Variants in CACNA2D3 observed in about 807,000 individuals in gnomAD.
The protein encoded by CACNA2D3 is calcium voltage-gated channel auxiliary subunit alpha2delta 3.
CACNA2D3 carries 60 observed loss-of-function variants against 160.6 expected under a neutral mutation model. The ratio of observed to expected loss-of-function variants is 0.37; its 90% CI spans 0.30 to 0.46. The LOEUF is 0.46. Ranked by LOEUF, CACNA2D3 falls within the 20% of genes least tolerant of loss-of-function variation. The pLI is 1.00. For synonymous variants in CACNA2D3, 558 were observed against 492.9 expected, an observed-to-expected ratio of 1.13 and a Z score of -1.75; for missense variants, 1,205 against 1,365.0, an observed-to-expected ratio of 0.88 and a Z score of 1.85.
At chr3:54,454,251 A>G (rs1700358349) in intron 4 of CACNA2D3, among the ~76,000 whole-genome samples, 1 of 152,154 alleles carries the variant, frequency 6.6e-6, no homozygotes, top group African/African-American at 2.4e-5. Flanking sequence ...TAAAATTCAT[A>G]CACTTTAAGT....
At chr3:54,323,560 G>T (rs995746039) in intron 3 of CACNA2D3, among the ~76,000 whole-genome samples, 1 of 150,844 alleles carries the variant, frequency 6.6e-6, no homozygotes, top group South Asian at 2.1e-4. Flanking sequence ...TCCGCCTCCC[G>T]GGTTCACGCC....
intron 17 of CACNA2D3, among the ~76,000 whole-genome samples, chr3:54,868,464 C>T (rs1699453228): frequency 6.6e-6 from 1 of 152,240 alleles, no homozygotes; most frequent in African/African-American, 2.4e-5. Context: ...ACTCTCTAAT[C>T]ATTCCAAGTA....
At chr3:54,769,824 G>C (rs1447133381) in intron 13 of CACNA2D3, among the ~76,000 whole-genome samples, 1 of 152,104 alleles carries the variant, frequency 6.6e-6, no homozygotes, top group African/African-American at 2.4e-5. Context: ...TGAGTATCTT[G>C]GAAAACATTG....
rs552956346 is a variant in CACNA2D3, at chr3:54,645,578, T to C, written c.1167+3337T>C. 2.6e-3 allele frequency among the ~76,000 whole-genome samples: 389 copies of C among 152,282 alleles called. 3 individuals carry two copies. Among genetic ancestry groups the C allele is most frequent in the African/African-American group, 9.0e-3 (373 of 41,566 alleles). ...TTCCTCTCAGCCCACTTCACTCATATGGTTTCCCTCCCACAGGTGTGGAGT... is the reference window on the plus strand; with the variant it reads ...TTCCTCTCAGCCCACTTCACTCATACGGTTTCCCTCCCACAGGTGTGGAGT... On this transcript the variant is annotated intron_variant, in intron 11 of 37. Transcript: ENST00000474759.
At chr3:54,290,769 T>C (rs1359153103) in intron 2 of CACNA2D3, among the ~76,000 whole-genome samples, 1 of 152,012 alleles carries the variant, frequency 6.6e-6, no homozygotes, top group African/African-American at 2.4e-5. Flanking sequence ...GGGACATGGA[T>C]GAAACTGGAA....
Position 54,892,183 on chromosome 3 carries a change from G to A in CACNA2D3, c.2246+733G>A, listed in dbSNP as rs1231956901. 5.3e-5 allele frequency among the ~76,000 whole-genome samples: 8 copies of A among 152,186 alleles called. No individual in the cohort carries two copies. In the East Asian group the frequency reaches 7.7e-4, roughly 15 times the overall value. On this transcript the variant is annotated intron_variant, in intron 25 of 37. Transcript: ENST00000474759. Reference sequence around the variant, plus strand: ...TATTTCTTTTCTCTGAAGCAAGAGCGATTGTTAAGACATGGACAAATGGGT... The same window carrying A: ...TATTTCTTTTCTCTGAAGCAAGAGCAATTGTTAAGACATGGACAAATGGGT...
chr3:54,827,040 G>A (rs944015302), intron 14 of CACNA2D3, among the ~76,000 whole-genome samples: 1 of 152,110 alleles, frequency 6.6e-6, no homozygotes, highest in African/African-American at 2.4e-5. Flanking sequence ...TGATTTGCTT[G>A]ATTGCAACCT....
chr3:55,052,451 T>C (rs1324537549), intron 35 of CACNA2D3, among the ~76,000 whole-genome samples: 1 of 121,410 alleles, frequency 8.2e-6, no homozygotes, highest in African/African-American at 3.0e-5. Flanking sequence ...TATATACCTG[T>C]GTGTGTATAT....
chr3:54,619,564 G>C (rs977174833), intron 9 of CACNA2D3, among the ~76,000 whole-genome samples: 1 of 152,208 alleles, frequency 6.6e-6, no homozygotes, highest in Non-Finnish European at 1.5e-5. Context: ...TTACACACAC[G>C]TAAAGGACAA....
chr3:54,871,908 T>C (rs762860416), intron 18 of CACNA2D3, among the ~76,000 whole-genome samples: 5 of 152,206 alleles, frequency 3.3e-5, no homozygotes. Flanking sequence ...ACTCCAGCCT[T>C]CTTCCCAGTA....
At chr3:54,660,743 G>A (rs1159020195) in intron 11 of CACNA2D3, among the ~76,000 whole-genome samples, 1 of 152,098 alleles carries the variant, frequency 6.6e-6, no homozygotes, top group Non-Finnish European at 1.5e-5. Context: ...AGCCCAGCAC[G>A]CCAGGCCCTG....
At chr3:54,950,349 T>C (rs1701727970) in intron 27 of CACNA2D3, among the ~76,000 whole-genome samples, 1 of 152,182 alleles carries the variant, frequency 6.6e-6, no homozygotes, top group African/African-American at 2.4e-5. Context: ...CAAAGGCCCC[T>C]TTTAATCTGC....
chr3:54,935,413 C>A (rs192844636), intron 27 of CACNA2D3, among the ~76,000 whole-genome samples: 1 of 152,132 alleles, frequency 6.6e-6, no homozygotes, highest in African/African-American at 2.4e-5. Flanking sequence ...TGAGCTCATG[C>A]GGCTGGTGGA....
intron 35 of CACNA2D3, among the ~76,000 whole-genome samples, chr3:55,037,167 AAAG>A (rs1703838660): frequency 6.8e-6 from 1 of 147,248 alleles, no homozygotes. Flanking sequence ...AAATAAGACA[AAAG>A]AAGAAGAAAC....
chr3:54,380,190 A>G (rs535137210), intron 3 of CACNA2D3, among the ~76,000 whole-genome samples: 1 of 152,194 alleles, frequency 6.6e-6, no homozygotes, highest in Admixed American at 6.5e-5. Flanking sequence ...AATCAATCTC[A>G]TTTTGCCTGG....
chr3:54,486,507 C>T (rs1396366806), intron 4 of CACNA2D3, among the ~76,000 whole-genome samples: 1 of 152,182 alleles, frequency 6.6e-6, no homozygotes, highest in Non-Finnish European at 1.5e-5. Context: ...CTAATCTAGG[C>T]GTTCCAAGAT....
intron 27 of CACNA2D3, among the ~76,000 whole-genome samples, chr3:54,964,133 G>A (rs188438829): frequency 8.5e-5 from 13 of 152,098 alleles, no homozygotes; most frequent in South Asian, 2.1e-4. Flanking sequence ...TCTTGGGGTC[G>A]CTGTCCTAGG....
chr3:54,515,491 G>A (rs1701536090), intron 5 of CACNA2D3, among the ~76,000 whole-genome samples: 1 of 152,192 alleles, frequency 6.6e-6, no homozygotes, highest in African/African-American at 2.4e-5. Flanking sequence ...GGCTTCCCAG[G>A]TGCTAGCTTT....
intron 2 of CACNA2D3, among the ~76,000 whole-genome samples, chr3:54,320,153 T>C (rs1428227977): frequency 1.3e-5 from 2 of 152,198 alleles, no homozygotes; most frequent in African/African-American, 4.8e-5. Flanking sequence ...GAGTCAACTG[T>C]GGGTGAAATC....
Sources: gnomAD v4.1 joint callset for allele counts (sites outside exome capture counted in the v4.1 genomes callset) on GRCh38, gnomAD v4.1.1 for gene constraint, MANE v1.5 for transcripts, NCBI Gene and HGNC (gene_info 2026-07-23, HGNC 2026-07-21) for gene names.